KCNQ5: variants seen among roughly 807,000 people sequenced by gnomAD.
The protein encoded by KCNQ5 is potassium voltage-gated channel subfamily Q member 5.
KCNQ5 carries 30 observed loss-of-function variants against 98.2 expected under a neutral mutation model. That is an observed-to-expected ratio of 0.31 (90% CI 0.23 to 0.41). The LOEUF (loss-of-function observed/expected upper bound fraction) is 0.41. KCNQ5 is among the 10% of genes least tolerant of loss of function. The probability of loss-of-function intolerance (pLI) is 1.00; values close to 1 mark genes in which losing one functional copy is unlikely to be tolerated. For synonymous variants in KCNQ5, 458 were observed against 449.4 expected (o/e 1.02, Z -0.24); for missense variants, 835 against 1,182.5 (o/e 0.71, Z 4.31).
chr6:72,799,269 G>T (rs1292276985), intron 1 of KCNQ5, among the ~76,000 whole-genome samples: 1 of 152,132 alleles, frequency 6.6e-6, no homozygotes, highest in Admixed American at 6.6e-5. Context: ...TTGCTCTTTA[G>T]TCCTTTTGGC....
At chr6:72,953,725 AG>A (rs1766912999) in intron 1 of KCNQ5, among the ~76,000 whole-genome samples, 1 of 152,230 alleles carries the variant, frequency 6.6e-6, no homozygotes, top group South Asian at 2.1e-4. Flanking sequence ...AGATGGGAGC[AG>A]GATAGACAGA....
At chr6:72,878,219 G>A (rs1359810845) in intron 1 of KCNQ5, among the ~76,000 whole-genome samples, 5 of 152,208 alleles carry the variant, frequency 3.3e-5, no homozygotes, top group Admixed American at 2.0e-4. Context: ...GCAGTGAGCC[G>A]AGATTGCGCC....
intron 1 of KCNQ5, among the ~76,000 whole-genome samples, chr6:72,867,907 C>A (rs1410285944): frequency 6.6e-6 from 1 of 151,936 alleles, no homozygotes; most frequent in Non-Finnish European, 1.5e-5. Context: ...GCACTCCAGG[C>A]TGGGCAAGAG....
intron 1 of KCNQ5, among the ~76,000 whole-genome samples, chr6:72,630,799 G>T (rs750591198): frequency 6.6e-6 from 1 of 152,152 alleles, no homozygotes; most frequent in Non-Finnish European, 1.5e-5. Context: ...TATGATAAAG[G>T]TCTAGGATTT....
intron 10 of KCNQ5, chr6:73,136,273 TA>T (rs1776466902): frequency 6.6e-6 from 1 of 152,240 alleles, no homozygotes; most frequent in Non-Finnish European, 1.5e-5. Flanking sequence ...TGAGCATATT[TA>T]AATAAAAAAT....
intron 11 of KCNQ5, among the ~76,000 whole-genome samples, chr6:73,180,097 A>C (rs1778353094): frequency 6.6e-6 from 1 of 152,234 alleles, no homozygotes. Context: ...AGAGAGCTCC[A>C]AGCTCTGGAC....
At chr6:72,696,704 A>T (rs1034644394) in intron 1 of KCNQ5, among the ~76,000 whole-genome samples, 4 of 152,182 alleles carry the variant, frequency 2.6e-5, no homozygotes, top group African/African-American at 9.7e-5. Context: ...ATATATAGTA[A>T]GCTGGGGATT....
intron 1 of KCNQ5, among the ~76,000 whole-genome samples, chr6:72,997,873 T>C (rs746698436): frequency 2.0e-5 from 3 of 151,852 alleles, no homozygotes; most frequent in Non-Finnish European, 4.4e-5. Flanking sequence ...TTAAGGTTCA[T>C]TGCACTTGAA....
intron 13 of KCNQ5, among the ~76,000 whole-genome samples, chr6:73,193,691 T>G (rs1476370256): frequency 1.3e-5 from 2 of 151,974 alleles, no homozygotes; most frequent in Non-Finnish European, 2.9e-5. Flanking sequence ...TATTTTTTTA[T>G]GTAACTTTAA....
rs183155894 is a variant in KCNQ5 at position 72,628,585 on chromosome 6, A to G, written c.398+5998A>G. ...TAAATCCCCAAGGTCTCTGTGCTAC[A>G]TAGTAGCCAAAGTTATCTTTCTTTC... On this transcript the variant is annotated intron_variant, in intron 1 of 13. Coordinates refer to ENST00000370398, the MANE Select transcript of KCNQ5 (RefSeq NM_019842.4). 9.9e-5 allele frequency among the ~76,000 whole-genome samples: 15 copies of G among 152,222 alleles called. No individual in the cohort carries two copies. In the East Asian group the frequency reaches 2.9e-3, roughly 29 times the overall value.
chr6:72,788,423 C>A lies in KCNQ5; in HGVS notation c.398+165836C>A, dbSNP rs61524171. On this transcript the variant is annotated intron_variant, in intron 1 of 13. Coordinates refer to ENST00000370398, the MANE Select transcript of KCNQ5 (RefSeq NM_019842.4). The stretch of plus-strand genomic sequence containing the variant: ...GATGACTTATCAAATACAGTAGCAC[C>A]TACTCCAATGCCTGACTCATAACAG... Among the ~76,000 whole-genome samples the A allele has an allele frequency of 3.6e-4, 55 of 152,300 alleles. 2 individuals are homozygous for A. The East Asian group carries it at 0.01, about 29-fold the overall frequency.
chr6:72,680,913 A>G (rs1767671915), intron 1 of KCNQ5, among the ~76,000 whole-genome samples: 1 of 152,216 alleles, frequency 6.6e-6, no homozygotes, highest in Non-Finnish European at 1.5e-5. Flanking sequence ...TTGTGATCTG[A>G]TACTTTTAAG....
chr6:72,832,241 G>A (rs889289008), intron 1 of KCNQ5, among the ~76,000 whole-genome samples: 1 of 152,110 alleles, frequency 6.6e-6, no homozygotes, highest in Non-Finnish European at 1.5e-5. Context: ...TGTGGCAATG[G>A]ATAAGATGTT....
intron 5 of KCNQ5, among the ~76,000 whole-genome samples, chr6:73,097,607 G>T (rs1349597648): frequency 6.6e-6 from 1 of 152,134 alleles, no homozygotes; most frequent in Non-Finnish European, 1.5e-5. Context: ...TCTCAGTGAT[G>T]GTGGCCACAA....
At chr6:72,851,573 G>T (rs1483450728) in intron 1 of KCNQ5, among the ~76,000 whole-genome samples, 1 of 152,042 alleles carries the variant, frequency 6.6e-6, no homozygotes, top group East Asian at 1.9e-4. Flanking sequence ...ATTTTCTGAA[G>T]AAGGCATGTA....
chr6:72,688,169 GTTTACAC>G (rs1768049314), intron 1 of KCNQ5, among the ~76,000 whole-genome samples: 1 of 152,104 alleles, frequency 6.6e-6, no homozygotes, highest in African/African-American at 2.4e-5. Context: ...ACTGAGCAGA[GTTTACAC>G]TTTATACTGA....
intron 2 of KCNQ5, among the ~76,000 whole-genome samples, chr6:73,015,170 T>G (rs1770268048): frequency 6.6e-6 from 1 of 152,104 alleles, no homozygotes; most frequent in East Asian, 1.9e-4. Context: ...CAATGCTTCT[T>G]TAGATTTATC....
intron 1 of KCNQ5, among the ~76,000 whole-genome samples, chr6:72,976,666 T>C (rs796209093): frequency 1.3e-5 from 2 of 152,360 alleles, no homozygotes; most frequent in African/African-American, 4.8e-5. Flanking sequence ...TTAGTGGTCA[T>C]TTTAATGATG....
chr6:73,070,671 T>C (rs1053508504), intron 3 of KCNQ5, among the ~76,000 whole-genome samples: 2 of 152,096 alleles, frequency 1.3e-5, no homozygotes, highest in Non-Finnish European at 2.9e-5. Flanking sequence ...GCAACTGACA[T>C]AGAAAAAGAG....
Sources: allele counts gnomAD v4.1 joint callset (sites outside exome capture counted in the v4.1 genomes callset), GRCh38; gene constraint gnomAD v4.1.1; transcripts MANE v1.5; gene names NCBI Gene and HGNC (gene_info 2026-07-23, HGNC 2026-07-21).